DRD3: variants seen among roughly 807,000 people sequenced by gnomAD.
DRD3 encodes the protein D(3) dopamine receptor.
DRD3 carries 19 observed loss-of-function variants against 36.3 expected under a neutral mutation model. The observed-to-expected ratio is 0.52, with a 90% CI of 0.36 to 0.77. DRD3 has a LOEUF of 0.77. Ranked by LOEUF, DRD3 falls within the 30% of genes least tolerant of loss-of-function variation. DRD3 has a pLI of 0.00. For synonymous variants in DRD3, 195 were observed against 203.7 expected (o/e 0.96, Z 0.36); for missense variants, 465 against 505.3 (o/e 0.92, Z 0.77).
At chr3:114,185,720 G>A (rs1050013629) in intron 1 of DRD3, among the ~76,000 whole-genome samples, 4 of 152,036 alleles carry the variant, frequency 2.6e-5, no homozygotes, top group Non-Finnish European at 5.9e-5. Flanking sequence ...CTGTCACCCA[G>A]GCTAGTGTGC....
intron 4 of DRD3, among the ~76,000 whole-genome samples, chr3:114,144,904 A>C (rs534435895): frequency 6.6e-6 from 1 of 152,308 alleles, no homozygotes; most frequent in Non-Finnish European, 1.5e-5. Context: ...TCCTTTTGGA[A>C]AAAACTTTCC....
chr3:114,183,398 T>C (rs1025730530), upstream of DRD3, among the ~76,000 whole-genome samples: 1 of 152,178 alleles, frequency 6.6e-6, no homozygotes, highest in Non-Finnish European at 1.5e-5. Flanking sequence ...GTGCATATCA[T>C]TGTTGTTGGG....
intron 1 of DRD3, among the ~76,000 whole-genome samples, chr3:114,198,417 G>C (rs1036803240): frequency 2.0e-5 from 3 of 151,956 alleles, no homozygotes; most frequent in Non-Finnish European, 4.4e-5. Flanking sequence ...GATTACAGGT[G>C]TGAGCCACTA....
chr3:114,196,253 C>T (rs1289114946), intron 1 of DRD3, among the ~76,000 whole-genome samples: 5 of 152,148 alleles, frequency 3.3e-5, no homozygotes, highest in Non-Finnish European at 7.3e-5. Flanking sequence ...CAGCTATGAA[C>T]ATACATACAC....
intron 3 of DRD3, among the ~76,000 whole-genome samples, chr3:114,156,819 T>TTTTC (rs1252237580): frequency 6.1e-5 from 4 of 65,574 alleles, no homozygotes; most frequent in African/African-American, 1.8e-4. Context: ...TTTCTTTCTT[T>TTTTC]TTTCTTTCTT....
intron 1 of DRD3, among the ~76,000 whole-genome samples, chr3:114,178,289 T>A (rs1449631468): frequency 1.3e-5 from 2 of 152,120 alleles, no homozygotes; most frequent in African/African-American, 4.8e-5. Context: ...ATTGAGGAGT[T>A]TAAAATAACA....
chr3:114,141,622 G>T (rs2077524199), intron 4 of DRD3, among the ~76,000 whole-genome samples: 1 of 151,988 alleles, frequency 6.6e-6, no homozygotes, highest in African/African-American at 2.4e-5. Context: ...AGTGACCAGT[G>T]ATGCATTTTA....
In DRD3 at chr3:114,189,603, C is replaced by T. The variant is rs1221172464; in HGVS notation, c.-156+9670G>A. On this transcript the variant is annotated intron_variant, in intron 1 of 7. Coordinates refer to the DRD3 transcript ENST00000460779. ...ATGGAAAATTGGTGGCCACATTATG[C>T]CTGTAGAAAACTTATGTTTAGCCAG... Among the ~76,000 whole-genome samples, 3 of 152,316 alleles carry T rather than the reference C, an allele frequency of 2.0e-5. No homozygotes were observed. The South Asian group carries it at 6.2e-4, about 32-fold the overall frequency.
intron 1 of DRD3, among the ~76,000 whole-genome samples, chr3:114,190,681 A>G (rs2078006464): frequency 1.0e-5 from 1 of 97,418 alleles, no homozygotes; most frequent in Non-Finnish European, 2.0e-5. Context: ...AAATTTATTC[A>G]ACACAACTAG....
chr3:114,147,968 G>C (rs1479418610), intron 3 of DRD3, among the ~76,000 whole-genome samples: 1 of 152,204 alleles, frequency 6.6e-6, no homozygotes, highest in African/African-American at 2.4e-5. Context: ...CCAGATGAAA[G>C]AAGTTCGTAG....
At chr3:114,149,864 C>T (rs1010574587) in intron 3 of DRD3, among the ~76,000 whole-genome samples, 1 of 152,182 alleles carries the variant, frequency 6.6e-6, no homozygotes, top group Non-Finnish European at 1.5e-5. Flanking sequence ...TCCTAACAAC[C>T]TGAGTGAGTG....
At chr3:114,184,925 C>A (rs1227986587) in intron 1 of DRD3, among the ~76,000 whole-genome samples, 1 of 152,066 alleles carries the variant, frequency 6.6e-6, no homozygotes, top group African/African-American at 2.4e-5. Flanking sequence ...GTATTTTTTT[C>A]TTTTAGCATT....
intron 4 of DRD3, among the ~76,000 whole-genome samples, 178 bp downstream of exon 4, chr3:114,147,237 C>A (rs139778126): frequency 6.6e-6 from 1 of 151,984 alleles, no homozygotes; most frequent in Non-Finnish European, 1.5e-5. Flanking sequence ...TGAGGTTTTG[C>A]TTTATATTTT....
At chr3:114,176,778 C>T (rs1259672136) in intron 1 of DRD3, among the ~76,000 whole-genome samples, 1 of 152,152 alleles carries the variant, frequency 6.6e-6, no homozygotes, top group African/African-American at 2.4e-5. Context: ...CCACCAGTCG[C>T]CAGAGCTTTT....
At chr3:114,168,039 C>T (rs538352677) in intron 2 of DRD3, among the ~76,000 whole-genome samples, 2 of 152,284 alleles carry the variant, frequency 1.3e-5, no homozygotes, top group Admixed American at 1.3e-4. Flanking sequence ...TGCAGCCCAC[C>T]CTACCAGAGG....
chr3:114,165,810 T>A (rs1373672260), intron 2 of DRD3, among the ~76,000 whole-genome samples: 2 of 152,040 alleles, frequency 1.3e-5, no homozygotes, highest in Non-Finnish European at 2.9e-5. Context: ...GCATCTTCAT[T>A]TCTCCATCTA....
At chr3:114,173,024 A>G (rs867135456) in intron 1 of DRD3, among the ~76,000 whole-genome samples, 10 of 151,970 alleles carry the variant, frequency 6.6e-5, no homozygotes, top group African/African-American at 2.4e-4. Flanking sequence ...ATATGATGGT[A>G]TTAGGAGGTG....
chr3:114,147,039 G>C (rs1577593328), intron 4 of DRD3, among the ~76,000 whole-genome samples: 1 of 152,038 alleles, frequency 6.6e-6, no homozygotes, highest in East Asian at 1.9e-4. Context: ...GTGTTATTTT[G>C]CATTGTAGGT....
At chr3:114,165,987 ATTT>A (rs57837932) in intron 2 of DRD3, among the ~76,000 whole-genome samples, 25 of 112,352 alleles carry the variant, frequency 2.2e-4, no homozygotes, top group African/African-American at 5.8e-4. Flanking sequence ...AACAGTTTGT[ATTT>A]TTTTTTTTTT....
Sources: gnomAD v4.1 joint callset for allele counts (sites outside exome capture counted in the v4.1 genomes callset) on GRCh38, gnomAD v4.1.1 for gene constraint, MANE v1.5 for transcripts, NCBI Gene and HGNC (gene_info 2026-07-23, HGNC 2026-07-21) for gene names.